Variants in SLC44A5 observed in about 807,000 individuals in gnomAD.
The protein encoded by SLC44A5 is choline transporter-like protein 5.
SLC44A5 carries 57 observed loss-of-function variants against 101.8 expected under a neutral mutation model. The observed-to-expected ratio is 0.56, with a 90% confidence interval of 0.45 to 0.70. The LOEUF (loss-of-function observed/expected upper bound fraction) is 0.70. Ranked by LOEUF, SLC44A5 falls within the 30% of genes least tolerant of loss-of-function variation. SLC44A5 has a pLI of 0.00. For missense variants in SLC44A5, 737 were observed against 853.1 expected, an observed-to-expected ratio of 0.86 and a Z score of 1.70; for synonymous variants, 281 against 290.9, an observed-to-expected ratio of 0.97 and a Z score of 0.35.
At chr1:75,534,839 A>T (rs1670908598) in intron 2 of SLC44A5, among the ~76,000 whole-genome samples, 1 of 152,202 alleles carries the variant, frequency 6.6e-6, no homozygotes, top group Non-Finnish European at 1.5e-5. Flanking sequence ...TAAGAAAAAG[A>T]GGTGAGAGAG....
chr1:75,704,352 G>A, the SLC44A5 span, among the ~76,000 whole-genome samples: 1 of 152,002 alleles, frequency 6.6e-6, no homozygotes. Context: ...GGCAGAACAT[G>A]ATGGCTCATA....
intron 2 of SLC44A5, among the ~76,000 whole-genome samples, chr1:75,510,905 G>A (rs1164603004): frequency 6.6e-6 from 1 of 152,224 alleles, no homozygotes; most frequent in African/African-American, 2.4e-5. Context: ...CACTTTGGGA[G>A]GCCGAGGCAG....
At chr1:75,552,302 AGGT>A in intron 1 of SLC44A5, among the ~76,000 whole-genome samples, 1 of 152,088 alleles carries the variant, frequency 6.6e-6, no homozygotes, top group African/African-American at 2.4e-5. Flanking sequence ...TAGCACCCAT[AGGT>A]GCTATTGACA....
At chr1:75,459,706 A>G (rs1666391667) in intron 2 of SLC44A5, among the ~76,000 whole-genome samples, 1 of 152,252 alleles carries the variant, frequency 6.6e-6, no homozygotes, top group Non-Finnish European at 1.5e-5. Context: ...TCAGCACACA[A>G]TTATTAGAAT....
At chr1:75,698,366 C>A in the SLC44A5 span, among the ~76,000 whole-genome samples, 1 of 152,202 alleles carries the variant, frequency 6.6e-6, no homozygotes, top group Non-Finnish European at 1.5e-5. Context: ...AGCAGCCTAA[C>A]TGGGAGGCAA....
chr1:75,314,671 G>A (rs952187619), intron 4 of SLC44A5, among the ~76,000 whole-genome samples: 6 of 152,062 alleles, frequency 3.9e-5, no homozygotes, highest in Non-Finnish European at 5.9e-5. Context: ...GGGACTCCTA[G>A]GCTCTATTCT....
In SLC44A5 at chr1:75,212,313, T is replaced by C. The variant is rs1180953957; in HGVS notation, c.1963-761A>G. Among the ~76,000 whole-genome samples the C allele has an allele frequency of 8.0e-4, 121 of 152,086 alleles. 1 individual carries two copies. Among genetic ancestry groups the C allele is most frequent in the Non-Finnish European group, 8.8e-5 (6 of 67,998 alleles). On this transcript the variant is annotated intron_variant, in intron 22 of 23. Coordinates refer to ENST00000370859, the MANE Select transcript of SLC44A5 (RefSeq NM_001130058.2). ...CCCAAGTAACAAGCCTAGTATCCAATAGGTAGTTTTTCGATCTTCTCCCTC... is the reference window on the plus strand; with the variant it reads ...CCCAAGTAACAAGCCTAGTATCCAACAGGTAGTTTTTCGATCTTCTCCCTC...
intron 3 of SLC44A5, among the ~76,000 whole-genome samples, chr1:75,376,203 C>A (rs1302575698): frequency 6.6e-6 from 1 of 152,246 alleles, no homozygotes; most frequent in Non-Finnish European, 1.5e-5. Flanking sequence ...TGGAGTCTCG[C>A]TGATTGCTAG....
intron 5 of SLC44A5, among the ~76,000 whole-genome samples, chr1:75,285,955 G>A (rs1221490272): frequency 6.6e-6 from 1 of 152,036 alleles, no homozygotes; most frequent in African/African-American, 2.4e-5. Context: ...CAGTTGTTGG[G>A]TAGAATTTTC....
chr1:75,291,375 C>G (rs989400080), intron 5 of SLC44A5, among the ~76,000 whole-genome samples: 1 of 152,076 alleles, frequency 6.6e-6, no homozygotes, highest in Non-Finnish European at 1.5e-5. Flanking sequence ...TGTGTCAGCA[C>G]CAACCTAGAA....
chr1:75,528,806 C>T (rs1352770073), intron 2 of SLC44A5, among the ~76,000 whole-genome samples: 4 of 152,148 alleles, frequency 2.6e-5, no homozygotes, highest in Non-Finnish European at 4.4e-5. Context: ...ATGTTCCAAA[C>T]AAAATGTTCT....
chr1:75,213,712 G>C lies in SLC44A5; in HGVS notation c.1955C>G (p.Pro652Arg). ...GPASLNYYWV[P>R]LLTVIFGSYL... ...TCAGACACCAGCTCTTACCAGCAAA[G>C]GTACCCAGTAGTAATTTAAAGATGC... The change falls in exon 22 of 24, where the codon CCT becomes CGT. Residue 652 changes from proline to arginine, a missense_variant. By Grantham distance (103) the Pro-to-Arg change is moderately radical. This residue lies in a region of SLC44A5 where 11 missense variants were observed against 32.2 expected (regional missense o/e 0.34). Coordinates refer to ENST00000370859, the MANE Select transcript of SLC44A5 (RefSeq NM_001130058.2). The C allele has an allele frequency of 6.2e-7, 1 of 1,608,328 alleles. No homozygotes were observed.
At chr1:75,507,232 A>G (rs1045767264) in intron 2 of SLC44A5, among the ~76,000 whole-genome samples, 1 of 152,064 alleles carries the variant, frequency 6.6e-6, no homozygotes, top group Non-Finnish European at 1.5e-5. Flanking sequence ...TTCAATGCCT[A>G]GTTTGTTGAG....
intron 1 of SLC44A5, among the ~76,000 whole-genome samples, chr1:75,560,279 A>G (rs1441670116): frequency 6.6e-6 from 1 of 152,190 alleles, no homozygotes; most frequent in Non-Finnish European, 1.5e-5. Context: ...AAATAACCCA[A>G]TGTCCATCAA....
At chr1:75,402,306 C>T in intron 2 of SLC44A5, 1 of 222,730 alleles carries the variant, frequency 4.5e-6, no homozygotes, top group Non-Finnish European at 1.0e-5. Context: ...CTGAGTTTGT[C>T]TCCTTCTCTG....
intron 1 of SLC44A5, among the ~76,000 whole-genome samples, chr1:75,599,628 A>T (rs1006807405): frequency 1.3e-5 from 2 of 152,192 alleles, no homozygotes; most frequent in African/African-American, 4.8e-5. Flanking sequence ...GTCAGAGAAG[A>T]TGGGAAATTT....
At chr1:75,391,797 C>G (rs1052271592) in intron 3 of SLC44A5, among the ~76,000 whole-genome samples, 13 of 152,174 alleles carry the variant, frequency 8.5e-5, no homozygotes, top group Admixed American at 8.5e-4. Flanking sequence ...AAATAACCTT[C>G]TAGACATTGG....
intron 3 of SLC44A5, among the ~76,000 whole-genome samples, chr1:75,392,804 A>G (rs1661880772): frequency 6.6e-6 from 1 of 152,230 alleles, no homozygotes; most frequent in Admixed American, 6.5e-5. Flanking sequence ...CATATACACC[A>G]GGGAATACTA....
chr1:75,317,465 C>T (rs1246730395), intron 4 of SLC44A5, among the ~76,000 whole-genome samples: 4 of 152,140 alleles, frequency 2.6e-5, no homozygotes, highest in South Asian at 2.1e-4. Flanking sequence ...TGGGTTCAGT[C>T]GCTTATTCTC....
Sources: allele counts gnomAD v4.1 joint callset (sites outside exome capture counted in the v4.1 genomes callset), GRCh38; gene constraint gnomAD v4.1.1; regional missense constraint gnomAD v4.1.1; transcripts MANE v1.5; gene names NCBI Gene and HGNC (gene_info 2026-07-23, HGNC 2026-07-21).